The following USF3 variants were observed in gnomAD, a reference collection of about 807,000 sequenced individuals.
The protein encoded by USF3 is upstream transcription factor family member 3.
A neutral mutation model predicts 157.5 loss-of-function variants in USF3; 29 were observed. That is an observed-to-expected ratio of 0.18 (90% CI 0.14 to 0.25). The LOEUF (loss-of-function observed/expected upper bound fraction) is 0.25. Among genes scored for constraint, USF3 ranks in the 10% least tolerant of loss-of-function variants. The pLI is 1.00. For synonymous variants in USF3, 893 were observed against 941.4 expected (o/e 0.95, Z 0.94); for missense variants, 2,381 against 2,667.6 (o/e 0.89, Z 2.37).
Position 113,656,268 on chromosome 3 carries a change from C to T in USF3, c.5414G>A (p.Gly1805Asp), listed in dbSNP as rs752736512. 6.2e-7 allele frequency: 1 copy of T among 1,614,150 alleles called. No homozygotes were observed. The highest frequency in any genetic ancestry group is 1.1e-5 in the South Asian group (1 of 91,088). ...ATTTTCACTGTCCCTTGATGGAATACCATTTCCTGTTGGGATGCTCTGAAC... is the reference window on the plus strand; with the variant it reads ...ATTTTCACTGTCCCTTGATGGAATATCATTTCCTGTTGGGATGCTCTGAAC... ...PPVQSIPTGN[G>D]IPSRDSENTC... The change falls in exon 7 of 7, where the codon GGT becomes GAT. Residue 1805 changes from glycine to aspartate, a missense_variant. Physicochemically the swap from Gly to Asp is moderately conservative, Grantham distance 94. Coordinates refer to ENST00000316407, the MANE Select transcript of USF3 (RefSeq NM_001009899.4).
chr3:113,668,600 C>G (rs576985736), intron 5 of USF3, among the ~76,000 whole-genome samples: 1 of 151,922 alleles, frequency 6.6e-6, no homozygotes, highest in African/African-American at 2.4e-5. Flanking sequence ...TGCCTCATTC[C>G]CAAGTATGAA....
chr3:113,676,437 A>G (rs1037334870), intron 2 of USF3, among the ~76,000 whole-genome samples: 1 of 152,214 alleles, frequency 6.6e-6, no homozygotes, highest in Admixed American at 6.6e-5. Flanking sequence ...GGCGGCAGGA[A>G]GGAGAAGTGG....
In USF3 at chr3:113,653,739, C is replaced by G. The variant is rs537115792; in HGVS notation, c.*1205G>C. 2 of 149,854 alleles carry G rather than the reference C, an allele frequency of 1.3e-5. No individual in the cohort carries two copies. Among genetic ancestry groups the G allele is most frequent in the African/African-American group, 4.9e-5 (2 of 40,884 alleles). 9.3% of individuals were successfully genotyped at this position (149,854 alleles called of 1,614,324 possible). On this transcript the variant is annotated 3_prime_UTR_variant, in exon 7 of 7. Coordinates refer to ENST00000316407, the MANE Select transcript of USF3 (RefSeq NM_001009899.4). ...CAATTCATACTTTAAAATATGTGTA[C>G]ACACACACACACATACTTACACACA...
chr3:113,661,529 T>A (rs1318090361), intron 6 of USF3, 104 bp from the exon 7 acceptor site: 1 of 612,206 alleles, frequency 1.6e-6, no homozygotes, highest in Non-Finnish European at 2.7e-6. Flanking sequence ...AATTCTAGCA[T>A]TCTAAGTACT....
At chr3:113,680,628 A>G (rs1443905211) in intron 1 of USF3, among the ~76,000 whole-genome samples, 1 of 152,116 alleles carries the variant, frequency 6.6e-6, no homozygotes, top group African/African-American at 2.4e-5. Flanking sequence ...CCTGGCCAAC[A>G]TGGCAAAACC....
Position 113,659,405 on chromosome 3 carries a change from A to T in USF3, c.2277T>A (p.Pro759=). 6.2e-7 allele frequency: 1 copy of T among 1,614,220 alleles called. No homozygotes were observed. Among genetic ancestry groups the T allele is most frequent in the Non-Finnish European group, 8.5e-7 (1 of 1,180,038 alleles). Residue 759 remains proline (P), a synonymous_variant, in exon 7 of 7, where the codon CCT becomes CCA. Transcript: ENST00000316407. ...NCVSLTTTAA[P]PVTTDSSATL... ...TGGCTGAACTATCTGTTGTCACAGG[A>T]GGTGCTGCAGTTGTTGTTAATGAAA...
rs9852318 is a variant in USF3, at chr3:113,658,962, G to T, written c.2720C>A (p.Ala907Glu). 5.1e-4 allele frequency: 822 copies of T among 1,614,158 alleles called. 3 individuals are homozygous for T. In the African/African-American group the frequency reaches 9.5e-3, roughly 19 times the overall value. Residue 907 changes from alanine (A) to glutamate (E), a missense_variant, in exon 7 of 7, where the codon GCA becomes GAA. By Grantham distance (107) the Ala-to-Glu change is moderately radical. Around this residue, in one of 6 missense-constraint regions of USF3, gnomAD observed 1,435 missense variants for 1,550.9 expected, o/e 0.93. Transcript: ENST00000316407. ...VTSEHFAMAAAKSKDSTPNLQ... is the reference protein window; with the variant it reads ...VTSEHFAMAAEKSKDSTPNLQ... ...ATTAGGGGTAGAATCTTTGGATTTT[G>T]CTGCGGCCATTGCAAAATGTTCACT...
chr3:113,658,656 G>A lies in USF3; in HGVS notation c.3026C>T (p.Ser1009Phe), dbSNP rs1444463362. 6.2e-7 allele frequency: 1 copy of A among 1,613,782 alleles called. No individual in the cohort carries two copies. The highest frequency in any genetic ancestry group is 1.1e-5 in the South Asian group (1 of 91,058). ...AGGGTTTTTTTTTTTAGCAAGATCA[G>A]ATAGCAATGTAGTTAAACCTTGCCC... ...LKGQGLTTLL[S>F]DLAKKKNPQK... The change falls in exon 7 of 7, where the codon TCT becomes TTT. Residue 1009 changes from serine (S) to phenylalanine (F), a missense_variant. By Grantham distance (155) the Ser-to-Phe change is radical. Transcript: ENST00000316407.
chr3:113,676,253 C>T (rs773419145), intron 2 of USF3, among the ~76,000 whole-genome samples: 2 of 152,210 alleles, frequency 1.3e-5, no homozygotes, highest in Non-Finnish European at 2.9e-5. Context: ...CAGTGCCCCA[C>T]TCCCAGTACC....
chr3:113,657,906 C>T lies in USF3; in HGVS notation c.3776G>A (p.Gly1259Asp). 2 of 1,614,152 alleles carry T rather than the reference C, an allele frequency of 1.2e-6. No homozygotes were observed. The highest frequency in any genetic ancestry group is 1.1e-5 in the South Asian group (1 of 91,088). Residue 1259 changes from glycine (G) to aspartate (D), a missense_variant, in exon 7 of 7, where the codon GGT becomes GAT. Physicochemically the swap from Gly to Asp is moderately conservative, Grantham distance 94. Transcript: ENST00000316407. ...SISHPLASCAGLSPTSEQTTV... is the reference protein window; with the variant it reads ...SISHPLASCADLSPTSEQTTV... Reference sequence around the variant, plus strand: ...TGTTTGCTCTGAAGTTGGGGATAAACCCGCACAGCTGGCCAGAGGATGGCT... The same window carrying T: ...TGTTTGCTCTGAAGTTGGGGATAAATCCGCACAGCTGGCCAGAGGATGGCT...
chr3:113,694,408 T>G (rs1240215244), intron 1 of USF3, among the ~76,000 whole-genome samples: 1 of 152,242 alleles, frequency 6.6e-6, no homozygotes, highest in Non-Finnish European at 1.5e-5. Flanking sequence ...CTTAGAATTT[T>G]ACTTCCACGA....
At chr3:113,690,358 A>G (rs928368564) in intron 1 of USF3, among the ~76,000 whole-genome samples, 1 of 152,096 alleles carries the variant, frequency 6.6e-6, no homozygotes, top group Non-Finnish European at 1.5e-5. Context: ...TTATACCCCA[A>G]TGTCTCATCA....
rs1056769188 is a variant in USF3, at chr3:113,649,955, G to A, written c.*4989C>T. ...AAAATGGTAATGTTCAGCCAAAAAG[G>A]CATCTTGAGAAGAAACTAACTTCTG... On this transcript the variant is annotated 3_prime_UTR_variant, in exon 7 of 7. Transcript: ENST00000316407. 1 of 668,982 alleles carries A rather than the reference G, an allele frequency of 1.5e-6. No homozygotes were observed. The highest frequency in any genetic ancestry group is 1.8e-5 in the African/African-American group (1 of 55,406). 41.4% of individuals were successfully genotyped at this position (668,982 alleles called of 1,614,324 possible).
At chr3:113,676,379 G>A (rs1419278595) in intron 2 of USF3, among the ~76,000 whole-genome samples, 5 of 152,190 alleles carry the variant, frequency 3.3e-5, no homozygotes, top group African/African-American at 1.2e-4. Context: ...GGAGGCCTCA[G>A]GAAACTTACA....
At chr3:113,680,885 T>G (rs1164448987) in intron 1 of USF3, among the ~76,000 whole-genome samples, 1 of 152,212 alleles carries the variant, frequency 6.6e-6, no homozygotes, top group African/African-American at 2.4e-5. Flanking sequence ...TGATCTTTAC[T>G]TAATCTCTTC....
chr3:113,690,717 G>A (rs567501660), intron 1 of USF3, among the ~76,000 whole-genome samples: 6 of 151,936 alleles, frequency 3.9e-5, no homozygotes, highest in South Asian at 2.1e-4. Flanking sequence ...TTTAAAGTCC[G>A]GTGCAAGTCT....
Position 113,649,561 on chromosome 3 carries a change from A to G in USF3, c.*5383T>C. 1 of 360,720 alleles carries G rather than the reference A, an allele frequency of 2.8e-6. No homozygotes were observed. The highest frequency in any genetic ancestry group is 4.9e-6 in the Non-Finnish European group (1 of 202,662). 22.3% of individuals were successfully genotyped at this position (360,720 alleles called of 1,614,324 possible). A position where few individuals can be genotyped will look rare whatever the true frequency, so the allele number is the denominator to read the frequency against. ...CATCAAAGATGGCTCAGAGAATGGT[A>G]AGGCAACAGTGAGAAACATCAGCTG... On this transcript the variant is annotated 3_prime_UTR_variant, in exon 7 of 7. Transcript: ENST00000316407.
rs914985536 is a variant in USF3, at chr3:113,654,453, T to G, written c.*491A>C. On this transcript the variant is annotated 3_prime_UTR_variant, in exon 7 of 7. Transcript: ENST00000316407. Reference sequence around the variant, plus strand: ...ACTGCTTGACTTTAACTACGGACATTAAACTCAACATCAGTTCAACATCTG... The same window carrying G: ...ACTGCTTGACTTTAACTACGGACATGAAACTCAACATCAGTTCAACATCTG... 9 of 152,918 alleles carry G rather than the reference T, an allele frequency of 5.9e-5. No individual in the cohort carries two copies. Among genetic ancestry groups the G allele is most frequent in the African/African-American group, 2.2e-4 (9 of 41,484 alleles). The allele number at this position is 152,918 out of a possible 1,614,324, so 9.5% of individuals were successfully genotyped here.
At position 113,658,160 on chromosome 3, in the gene USF3, T is replaced by A; in HGVS notation, c.3522A>T (p.Pro1174=). 6.2e-7 allele frequency: 1 copy of A among 1,614,104 alleles called. No homozygotes were observed. Among genetic ancestry groups the A allele is most frequent in the South Asian group, 1.1e-5 (1 of 91,088 alleles). ...CTTTAGGTATCTGTGATTTGAAGGG[T>A]GGGTCTCCCTCTAACAATGATGCTT... ...PSEASLLEGD[P]PFKSQIPKES... is the part of the protein sequence containing the mutation. The change falls in exon 7 of 7, where the codon CCA becomes CCT. Residue 1174 remains proline (P), a synonymous_variant. Transcript: ENST00000316407.
Sources: gnomAD v4.1 joint callset for allele counts (sites outside exome capture counted in the v4.1 genomes callset) on GRCh38, gnomAD v4.1.1 for gene constraint, gnomAD v4.1.1 regional missense constraint, MANE v1.5 for transcripts, NCBI Gene and HGNC (gene_info 2026-07-23, HGNC 2026-07-21) for gene names.